PRKAR2B: variants seen among roughly 807,000 people sequenced by gnomAD.
PRKAR2B encodes the protein protein kinase cAMP-dependent type II regulatory subunit beta.
In PRKAR2B, 14 loss-of-function variants were observed where a neutral mutation model predicts 49.9. That is an observed-to-expected ratio of 0.28 (90% CI 0.19 to 0.44). The LOEUF is 0.44. PRKAR2B is among the 20% of genes least tolerant of loss of function. The pLI is 1.00. For missense variants in PRKAR2B, 393 were observed against 537.9 expected (o/e 0.73, Z 2.67); for synonymous variants, 196 against 197.7 (o/e 0.99, Z 0.07).
chr7:107,071,847 C>T (rs1246961939), intron 2 of PRKAR2B, among the ~76,000 whole-genome samples: 3 of 152,036 alleles, frequency 2.0e-5, no homozygotes, highest in East Asian at 3.9e-4. Context: ...GGGCAGATCA[C>T]GAGGTCAGGA....
At chr7:107,075,141 T>C (rs1794372667) in intron 2 of PRKAR2B, among the ~76,000 whole-genome samples, 1 of 151,782 alleles carries the variant, frequency 6.6e-6, no homozygotes, top group Admixed American at 6.6e-5. Flanking sequence ...TCTCGCTCTG[T>C]CACCAGGCCG....
intron 8 of PRKAR2B, 54 bp from the exon 9 acceptor site, chr7:107,156,930 T>G (rs1372245674): frequency 1.0e-5 from 15 of 1,445,274 alleles, no homozygotes; most frequent in Non-Finnish European, 1.4e-5. Context: ...GTAACAAGAT[T>G]GTTGTCAATT....
At chr7:107,099,081 G>C (rs1794904941) in intron 2 of PRKAR2B, among the ~76,000 whole-genome samples, 1 of 152,160 alleles carries the variant, frequency 6.6e-6, no homozygotes, top group African/African-American at 2.4e-5. Flanking sequence ...GAAGTTTTTG[G>C]TGCCTTTTGT....
At position 107,157,334 on chromosome 7, in the gene PRKAR2B, G is replaced by C. The variant is rs753654161; in HGVS notation, c.1123+10G>C. The stretch of plus-strand genomic sequence containing the variant: ...ACTGTCAAATGTTTAGGTAGGGATT[G>C]CAACAGTGGGCGTGCTTCTGCTGGT... On this transcript the variant is annotated intron_variant, in intron 10 of 10. Transcript: ENST00000265717. 13 of 1,605,226 alleles carry C rather than the reference G, an allele frequency of 8.1e-6. No individual in the cohort carries two copies. The highest frequency in any genetic ancestry group is 1.7e-4 in the Middle Eastern group (1 of 6,034).
At chr7:107,101,506 C>A (rs942597315) in intron 2 of PRKAR2B, among the ~76,000 whole-genome samples, 5 of 152,224 alleles carry the variant, frequency 3.3e-5, no homozygotes, top group African/African-American at 1.2e-4. Flanking sequence ...CACTGCCTTC[C>A]AGGCAGCCAC....
chr7:107,089,881 C>T, intron 2 of PRKAR2B, among the ~76,000 whole-genome samples: 1 of 152,172 alleles, frequency 6.6e-6, no homozygotes. Flanking sequence ...ATGTATCACC[C>T]ATTTTGTGGT....
At chr7:107,067,138 C>T (rs953207945) in intron 1 of PRKAR2B, 7 of 152,256 alleles carry the variant, frequency 4.6e-5, no homozygotes, top group African/African-American at 9.7e-5. Flanking sequence ...CCTTCCCTGA[C>T]TTACTTTCCT....
At chr7:107,150,361 T>G (rs1453773513) in intron 6 of PRKAR2B, among the ~76,000 whole-genome samples, 1 of 152,062 alleles carries the variant, frequency 6.6e-6, no homozygotes, top group Admixed American at 6.5e-5. Context: ...TCACATTAAA[T>G]AAAAATTTTT....
At chr7:107,130,827 T>C (rs1171258354) in intron 4 of PRKAR2B, among the ~76,000 whole-genome samples, 1 of 152,210 alleles carries the variant, frequency 6.6e-6, no homozygotes, top group Non-Finnish European at 1.5e-5. Flanking sequence ...AAGGCAGTGG[T>C]AAAATTAATC....
At chr7:107,054,308 C>T (rs966903128) in intron 1 of PRKAR2B, among the ~76,000 whole-genome samples, 7 of 152,060 alleles carry the variant, frequency 4.6e-5, no homozygotes, top group African/African-American at 1.4e-4. Context: ...GAGCTGAGAT[C>T]GCAGCACTGC....
At chr7:107,094,301 A>G (rs1015207656) in intron 2 of PRKAR2B, among the ~76,000 whole-genome samples, 3 of 152,286 alleles carry the variant, frequency 2.0e-5, no homozygotes, top group East Asian at 1.9e-4. Context: ...GGCTGCATAA[A>G]TGTCTTCTTT....
intron 2 of PRKAR2B, among the ~76,000 whole-genome samples, chr7:107,079,027 C>T (rs1352938531): frequency 6.6e-6 from 1 of 152,060 alleles, no homozygotes; most frequent in Non-Finnish European, 1.5e-5. Context: ...ACCCCGTGTG[C>T]CTTAATTACA....
chr7:107,152,627 T>C (rs1237003363), intron 7 of PRKAR2B, among the ~76,000 whole-genome samples: 1 of 152,230 alleles, frequency 6.6e-6, no homozygotes, highest in African/African-American at 2.4e-5. Flanking sequence ...AAGACAGGCA[T>C]ATATATGTAC....
At chr7:107,062,072 G>A (rs1346111661) in intron 1 of PRKAR2B, among the ~76,000 whole-genome samples, 1 of 152,064 alleles carries the variant, frequency 6.6e-6, no homozygotes, top group Admixed American at 6.6e-5. Flanking sequence ...ACTCCTATAT[G>A]GTCCTGGAGG....
intron 4 of PRKAR2B, among the ~76,000 whole-genome samples, chr7:107,136,748 A>G (rs1257025214): frequency 1.3e-5 from 2 of 152,244 alleles, no homozygotes; most frequent in East Asian, 3.8e-4. Flanking sequence ...AAGATTGTTT[A>G]GTGGTGTCTT....
chr7:107,104,425 G>T (rs1795035253), intron 2 of PRKAR2B, among the ~76,000 whole-genome samples: 1 of 152,136 alleles, frequency 6.6e-6, no homozygotes, highest in African/African-American at 2.4e-5. Flanking sequence ...CTAAGTCCTT[G>T]TCCCAAGGGT....
At chr7:107,103,406 A>C (rs916266798) in intron 2 of PRKAR2B, among the ~76,000 whole-genome samples, 3 of 152,204 alleles carry the variant, frequency 2.0e-5, no homozygotes, top group African/African-American at 7.2e-5. Flanking sequence ...GTTTTGCTGC[A>C]AGAGGAAACT....
At chr7:107,131,146 G>A (rs1795598859) in intron 4 of PRKAR2B, among the ~76,000 whole-genome samples, 1 of 152,196 alleles carries the variant, frequency 6.6e-6, no homozygotes, top group Admixed American at 6.5e-5. Flanking sequence ...ACTGTTACAT[G>A]TGTTATGTTT....
chr7:107,050,582 C>A (rs1313468400), intron 1 of PRKAR2B, among the ~76,000 whole-genome samples: 1 of 151,818 alleles, frequency 6.6e-6, no homozygotes, highest in African/African-American at 2.4e-5. Context: ...TATTTTTGAC[C>A]CATTAAGAAA....
Sources: allele counts gnomAD v4.1 joint callset (sites outside exome capture counted in the v4.1 genomes callset), GRCh38; gene constraint gnomAD v4.1.1; transcripts MANE v1.5; gene names NCBI Gene and HGNC (gene_info 2026-07-23, HGNC 2026-07-21).